RUFY3: variants seen among roughly 807,000 people sequenced by gnomAD.
The protein encoded by RUFY3 is protein RUFY3.
Under a neutral mutation model 84.0 loss-of-function variants are expected in RUFY3, and 34 were observed. That is an observed-to-expected ratio of 0.40 (90% CI 0.31 to 0.54). The LOEUF is 0.54. Ranked by LOEUF, RUFY3 falls within the 20% of genes least tolerant of loss-of-function variation. RUFY3 has a pLI of 0.39. For missense variants in RUFY3, 507 were observed against 736.8 expected (o/e 0.69, Z 3.61); for synonymous variants, 242 against 252.9 (o/e 0.96, Z 0.41).
chr4:70,793,208 A>G (rs1484080423), intron 12 of RUFY3: 1 of 986,114 alleles, frequency 1.0e-6, no homozygotes, highest in African/African-American at 1.7e-5. Flanking sequence ...GGAAGGAGAC[A>G]GCCAAACTCT....
chr4:70,758,226 A>G (rs1239111543), intron 1 of RUFY3, among the ~76,000 whole-genome samples: 1 of 152,228 alleles, frequency 6.6e-6, no homozygotes, highest in Non-Finnish European at 1.5e-5. Context: ...AGGATAGGTT[A>G]GTTTTGCAAA....
chr4:70,710,938 G>A (rs1318059724), intron 1 of RUFY3, among the ~76,000 whole-genome samples: 3 of 151,078 alleles, frequency 2.0e-5, no homozygotes, highest in Admixed American at 6.6e-5. Context: ...GGTAGTGCAC[G>A]CCTGTAATCC....
At chr4:70,705,683 T>TC (rs1285622953) in intron 1 of RUFY3, among the ~76,000 whole-genome samples, 2 of 151,992 alleles carry the variant, frequency 1.3e-5, no homozygotes, top group Admixed American at 6.5e-5. Context: ...CTGGGAACCT[T>TC]CCCCGAAGGA....
chr4:70,717,144 C>A (rs765466820), upstream of RUFY3, among the ~76,000 whole-genome samples: 7 of 152,134 alleles, frequency 4.6e-5, no homozygotes, highest in Admixed American at 1.3e-4. Flanking sequence ...TGGTTATATT[C>A]TTTAAGGACT....
At chr4:70,747,934 C>A (rs943468569) in intron 1 of RUFY3, among the ~76,000 whole-genome samples, 4 of 152,318 alleles carry the variant, frequency 2.6e-5, no homozygotes, top group Admixed American at 6.5e-5. Context: ...ATCTCCATAA[C>A]AGTTACTCAA....
At chr4:70,773,661 T>A in intron 6 of RUFY3, 89 bp downstream of exon 6, 1 of 816,746 alleles carries the variant, frequency 1.2e-6, no homozygotes, top group Non-Finnish European at 2.0e-6. Flanking sequence ...AATACTGTTT[T>A]AACAGACGTG....
chr4:70,722,693 C>T lies in RUFY3; in HGVS notation c.120C>T (p.Leu40=), dbSNP rs1052374518. 7 of 1,614,082 alleles carry T rather than the reference C, an allele frequency of 4.3e-6. No homozygotes were observed. The highest frequency in any genetic ancestry group is 5.9e-6 in the Non-Finnish European group (7 of 1,180,022). Residue 40 remains leucine (L), a synonymous_variant, in exon 1 of 18, where the codon CTC becomes CTT. Transcript: ENST00000381006. ...KFRVSMDGEW[L]CLRELDDISL... ...GAGTGTCCATGGATGGAGAATGGCT[C>T]TGCCTGCGAGAGCTGGATGACATCT...
In RUFY3 at chr4:70,808,289, A is replaced by G. The variant is rs1456400739; in HGVS notation, c.*1630A>G. ...GCTGACTGTACTTACTTACATATCT[A>G]TCTATCTTTGAGTAACAAACTCTTT... On this transcript the variant is annotated 3_prime_UTR_variant, in exon 18 of 18. Transcript: ENST00000381006. Among the ~76,000 whole-genome samples, 8 of 152,036 alleles carry G rather than the reference A, an allele frequency of 5.3e-5. No homozygotes were observed. The highest frequency in any genetic ancestry group is 1.2e-4 in the Non-Finnish European group (8 of 68,030).
Position 70,722,231 on chromosome 4 carries a change from G to A in RUFY3, c.-343G>A, listed in dbSNP as rs72861346. 2,958 of 1,229,612 alleles carry A rather than the reference G, an allele frequency of 2.4e-3. 54 individuals carry two copies. The African/African-American group carries it at 0.041, about 17-fold the overall frequency. 76.2% of individuals were successfully genotyped at this position (1,229,612 alleles called of 1,614,324 possible). ...CCAGCTAAGGCAGCATCAGCTGTGCGGGATTTAAAGCCTATAGCTCAGCTG... is the reference window on the plus strand; with the variant it reads ...CCAGCTAAGGCAGCATCAGCTGTGCAGGATTTAAAGCCTATAGCTCAGCTG... On this transcript the variant is annotated 5_prime_UTR_variant, in exon 1 of 18. Coordinates refer to ENST00000381006, the MANE Select transcript of RUFY3 (RefSeq NM_001037442.4).
chr4:70,761,250 T>C lies in RUFY3; in HGVS notation c.179-1269T>C, dbSNP rs184726912. Among the ~76,000 whole-genome samples the C allele has an allele frequency of 2.9e-3, 440 of 152,334 alleles. 4 individuals are homozygous for C. Among genetic ancestry groups the C allele is most frequent in the African/African-American group, 0.01 (418 of 41,572 alleles). ...ATCCAGGTCCAGATTCTGCCACTTA[T>C]AAACTGTTACACCTTGGACCACCTA... On this transcript the variant is annotated intron_variant, in intron 1 of 17. Transcript: ENST00000381006.
At chr4:70,753,166 C>G (rs1235795690) in intron 1 of RUFY3, among the ~76,000 whole-genome samples, 1 of 152,128 alleles carries the variant, frequency 6.6e-6, no homozygotes, top group African/African-American at 2.4e-5. Flanking sequence ...TCTAGATTAT[C>G]TAATATGTTG....
Position 70,722,666 on chromosome 4 carries a change from C to T in RUFY3, c.93C>T (p.Phe31=). 6.2e-7 allele frequency: 1 copy of T among 1,614,068 alleles called. No homozygotes were observed. Among genetic ancestry groups the T allele is most frequent in the Non-Finnish European group, 8.5e-7 (1 of 1,180,000 alleles). ...AAMETIYLCK[F]RVSMDGEWLC... Reference sequence around the variant, plus strand: ...TGGAGACCATCTACCTTTGCAAATTCCGAGTGTCCATGGATGGAGAATGGC... The same window carrying T: ...TGGAGACCATCTACCTTTGCAAATTTCGAGTGTCCATGGATGGAGAATGGC... Residue 31 remains phenylalanine (F), a synonymous_variant, in exon 1 of 18, where the codon TTC becomes TTT. Transcript: ENST00000381006.
chr4:70,774,729 A>G (rs993588179), intron 6 of RUFY3, among the ~76,000 whole-genome samples: 8 of 148,184 alleles, frequency 5.4e-5, no homozygotes, highest in African/African-American at 2.0e-4. Flanking sequence ...AATGTTAAAT[A>G]GCACTTACAG....
In RUFY3 at chr4:70,771,436, T is replaced by C. The variant is rs537946513; in HGVS notation, c.697-2075T>C. On this transcript the variant is annotated intron_variant, in intron 5 of 17. Coordinates refer to ENST00000381006, the MANE Select transcript of RUFY3 (RefSeq NM_001037442.4). ...TAAAACTTTTCATTCCCTAAAAACG[T>C]TAAGTACTAATAGCATACGATTAAC... Among the ~76,000 whole-genome samples the C allele has an allele frequency of 2.0e-4, 31 of 152,284 alleles. 1 individual carries two copies. The South Asian group carries it at 5.8e-3, about 29-fold the overall frequency.
rs781765229 is a variant in RUFY3 at position 70,787,213 on chromosome 4, TAA to T, written c.1072-1589_1072-1588del. ...ATATATATATATATATATATATATA[TAA>T]AAACAAATTGACAGTATATAACATA... On this transcript the variant is annotated intron_variant, in intron 10 of 17. Transcript: ENST00000381006. Among the ~76,000 whole-genome samples the T allele has an allele frequency of 6.5e-3, 756 of 115,640 alleles. 7 individuals carry two copies. The highest frequency in any genetic ancestry group is 0.017 in the East Asian group (56 of 3,310). The allele number at this position is 115,640 out of a possible 152,430, so 75.9% of individuals were successfully genotyped here. A position where few individuals can be genotyped will look rare whatever the true frequency, so the allele number is the denominator to read the frequency against.
At position 70,722,355 on chromosome 4, in the gene RUFY3, A is replaced by T; in HGVS notation, c.-219A>T. 7.7e-7 allele frequency: 1 copy of T among 1,297,766 alleles called. No homozygotes were observed. The highest frequency in any genetic ancestry group is 3.0e-5 in the South Asian group (1 of 33,822). The allele number at this position is 1,297,766 out of a possible 1,614,324, so 80.4% of individuals were successfully genotyped here. ...TTGCTATGTGGTAGGAACTGTCTATAAGATAGTGTAGAATTGTTTATCTTG... is the reference window on the plus strand; with the variant it reads ...TTGCTATGTGGTAGGAACTGTCTATTAGATAGTGTAGAATTGTTTATCTTG... On this transcript the variant is annotated 5_prime_UTR_variant, in exon 1 of 18. Transcript: ENST00000381006.
At chr4:70,783,213 ACT>A (rs748916995) in intron 9 of RUFY3, 30 bp downstream of exon 9, 10 of 1,376,108 alleles carry the variant, frequency 7.3e-6, no homozygotes, top group Non-Finnish European at 1.0e-5. Context: ...TAAAATATTC[ACT>A]GAGAGCATAT....
intron 1 of RUFY3, among the ~76,000 whole-genome samples, chr4:70,746,134 A>C (rs1470725407): frequency 6.6e-6 from 1 of 152,170 alleles, no homozygotes; most frequent in Non-Finnish European, 1.5e-5. Flanking sequence ...ACTTGATGCC[A>C]GGAGTTCAAG....
chr4:70,737,046 CAA>C (rs2148632435), intron 1 of RUFY3, among the ~76,000 whole-genome samples: 1 of 152,248 alleles, frequency 6.6e-6, no homozygotes, highest in East Asian at 1.9e-4. Context: ...ACAATTAAAA[CAA>C]ATTTTGAATA....
Sources: gnomAD v4.1 joint callset for allele counts (sites outside exome capture counted in the v4.1 genomes callset) on GRCh38, gnomAD v4.1.1 for gene constraint, MANE v1.5 for transcripts, NCBI Gene and HGNC (gene_info 2026-07-23, HGNC 2026-07-21) for gene names.